The following SYNE1 variants were observed in gnomAD, a reference collection of about 807,000 sequenced individuals.
SYNE1 encodes the protein nesprin-1.
Under a neutral mutation model 1,111.0 loss-of-function variants are expected in SYNE1, and 616 were observed. That is an observed-to-expected ratio of 0.55 (90% CI 0.52 to 0.59). SYNE1 has a LOEUF of 0.59. Ranked by LOEUF, SYNE1 falls within the 20% of genes least tolerant of loss-of-function variation. SYNE1 has a pLI of 0.00. For missense variants in SYNE1, 10,006 were observed against 10,417.0 expected, an observed-to-expected ratio of 0.96 and a Z score of 1.72; for synonymous variants, 3,855 against 3,825.8, an observed-to-expected ratio of 1.01 and a Z score of -0.28.
At chr6:152,603,295 G>C (rs1021103152) in intron 3 of SYNE1, among the ~76,000 whole-genome samples, 1 of 151,902 alleles carries the variant, frequency 6.6e-6, no homozygotes, top group African/African-American at 2.4e-5. Context: ...AGACTTTTTT[G>C]GCCTCCCTCC....
In SYNE1 at chr6:152,232,106, T is replaced by A. The variant is rs533407131; in HGVS notation, c.20862+10A>T. The A allele has an allele frequency of 1.4e-5, 22 of 1,560,906 alleles. No individual in the cohort carries two copies. Among genetic ancestry groups the A allele is most frequent in the East Asian group, 4.5e-5 (2 of 44,470 alleles). ...AATATGAAAAGTTAAAAACAAAAAA[T>A]TTTAATTACCTTATATTTCTGAAGG... On this transcript the variant is annotated intron_variant, in intron 113 of 145. Transcript: ENST00000367255.
At chr6:152,541,120 T>C (rs151087611) in intron 3 of SYNE1, among the ~76,000 whole-genome samples, 312 of 152,152 alleles carry the variant, frequency 2.1e-3, no homozygotes, top group African/African-American at 7.3e-3. Flanking sequence ...GGAAAAGAGG[T>C]AGGGTTTGGA....
chr6:152,564,859 A>C (rs2099407212), intron 3 of SYNE1, among the ~76,000 whole-genome samples: 1 of 152,166 alleles, frequency 6.6e-6, no homozygotes. Context: ...TTATAGCTTC[A>C]TTTAGCCATA....
chr6:152,350,228 T>A lies in SYNE1; in HGVS notation c.11841A>T (p.Ala3947=). The stretch of plus-strand genomic sequence containing the variant: ...GGCTGCTTGTCTCCAGGAGGTCAGG[T>A]GCCACCAGTCTGCCAGACATCTGCA... ...WLLQMSGRLV[A]PDLLETSSLE... Residue 3947 remains alanine (A), a synonymous_variant, in exon 72 of 146, where the codon GCA becomes GCT. Transcript: ENST00000367255. 1 of 1,614,086 alleles carries A rather than the reference T, an allele frequency of 6.2e-7. No homozygotes were observed. The highest frequency in any genetic ancestry group is 8.5e-7 in the Non-Finnish European group (1 of 1,180,030).
chr6:152,240,920 T>G (rs1485875372), intron 107 of SYNE1, among the ~76,000 whole-genome samples: 1 of 152,208 alleles, frequency 6.6e-6, no homozygotes, highest in Non-Finnish European at 1.5e-5. Flanking sequence ...ATCATTATTT[T>G]TAACCAACAA....
At position 152,122,586 on chromosome 6, in the gene SYNE1, A is replaced by C; in HGVS notation, c.26244T>G (p.Ala8748=). The C allele has an allele frequency of 6.2e-7, 1 of 1,614,210 alleles. No individual in the cohort carries two copies. The highest frequency in any genetic ancestry group is 8.5e-7 in the Non-Finnish European group (1 of 1,180,040). The part of the protein sequence containing the change: ...RGFLFRVLRA[A]LPLQLLLLLL... The stretch of plus-strand genomic sequence containing the variant: ...GGAGCAGGAGAAGCTGAAGGGGAAG[A>C]GCTGCTCGGAGGACTCTGAACAGGA... Residue 8748 remains alanine (A), a synonymous_variant, in exon 146 of 146, where the codon GCT becomes GCG. Transcript: ENST00000367255.
At chr6:152,517,674 A>G (rs1320748448) in intron 6 of SYNE1, among the ~76,000 whole-genome samples, 2 of 152,234 alleles carry the variant, frequency 1.3e-5, no homozygotes, top group Non-Finnish European at 2.9e-5. Context: ...AGAAATCACT[A>G]TGAACTGATG....
chr6:152,154,984 C>T lies in SYNE1; in HGVS notation c.24037G>A (p.Asp8013Asn), dbSNP rs1381849152. 1 of 1,614,214 alleles carries T rather than the reference C, an allele frequency of 6.2e-7. No homozygotes were observed. Among genetic ancestry groups the T allele is most frequent in the Non-Finnish European group, 8.5e-7 (1 of 1,180,026 alleles). The change falls in exon 133 of 146, where the codon GAT (aspartate) becomes AAT (asparagine). Residue 8013 changes from aspartate to asparagine, a missense_variant. Asp to Asn is a conservative substitution (Grantham distance 23). Coordinates refer to ENST00000367255, the MANE Select transcript of SYNE1 (RefSeq NM_182961.4). ...KFLDDYSRFEDWLKSSERTAA... is the reference protein window; with the variant it reads ...KFLDDYSRFENWLKSSERTAA... ...GTCCTTTCTGAAGACTTCAGCCAATCTTCAAAACGTGAATAGTCATCCAGA... is the reference window on the plus strand; with the variant it reads ...GTCCTTTCTGAAGACTTCAGCCAATTTTCAAAACGTGAATAGTCATCCAGA...
intron 97 of SYNE1, among the ~76,000 whole-genome samples, chr6:152,280,785 A>G (rs1432173673): frequency 2.0e-5 from 3 of 152,250 alleles, no homozygotes; most frequent in African/African-American, 7.2e-5. Flanking sequence ...AGATATAAAG[A>G]GCAGAAAAAC....
At chr6:152,220,740 G>T in intron 119 of SYNE1, 102 bp downstream of exon 119, 1 of 1,086,422 alleles carries the variant, frequency 9.2e-7, no homozygotes, top group Non-Finnish European at 1.4e-6. Flanking sequence ...TTGGGTAACT[G>T]TCTCACATAG....
chr6:152,483,345 AAG>A, intron 13 of SYNE1, 96 bp from the exon 14 acceptor site: 1 of 1,057,928 alleles, frequency 9.5e-7, no homozygotes, highest in Non-Finnish European at 1.4e-6. Context: ...ATAAAGCTTT[AAG>A]TTAATGATTT....
intron 3 of SYNE1, among the ~76,000 whole-genome samples, chr6:152,625,862 G>A (rs1240226646): frequency 1.3e-5 from 2 of 152,092 alleles, no homozygotes; most frequent in Admixed American, 6.5e-5. Flanking sequence ...CCATATCACA[G>A]CATTTATAAT....
intron 3 of SYNE1, among the ~76,000 whole-genome samples, chr6:152,601,776 G>A (rs1277372142): frequency 6.6e-6 from 1 of 152,184 alleles, no homozygotes; most frequent in South Asian, 2.1e-4. Flanking sequence ...TTCCTAAGAT[G>A]AGATCCCAGC....
At chr6:152,397,510 C>G (rs1013364902) in intron 49 of SYNE1, among the ~76,000 whole-genome samples, 3 of 152,202 alleles carry the variant, frequency 2.0e-5, no homozygotes, top group Non-Finnish European at 2.9e-5. Context: ...GTTACTCAGG[C>G]ATTTCCTTGT....
Position 152,208,055 on chromosome 6 carries a change from C to G in SYNE1, c.22741G>C (p.Glu7581Gln). The change falls in exon 125 of 146, where the codon GAA (glutamate) becomes CAA (glutamine). Residue 7581 changes from glutamate (E) to glutamine (Q), a missense_variant. Coordinates refer to ENST00000367255, the MANE Select transcript of SYNE1 (RefSeq NM_182961.4). Reference protein sequence around the residue: ...MAEKLRKWLVEVSYLPMSGLG... With the variant: ...MAEKLRKWLVQVSYLPMSGLG... ...CCACTCATGGGGAGGTAGGACACTT[C>G]AACCAACCATTTACGAAGCTTTTCT... 6.2e-7 allele frequency: 1 copy of G among 1,614,122 alleles called. No homozygotes were observed. The highest frequency in any genetic ancestry group is 8.5e-7 in the Non-Finnish European group (1 of 1,180,014).
In SYNE1 at chr6:152,483,220, T is replaced by C. The variant is rs1165886857; in HGVS notation, c.1215A>G (p.Lys405=). The C allele has an allele frequency of 5.6e-6, 9 of 1,614,044 alleles. No homozygotes were observed. The highest frequency in any genetic ancestry group is 7.6e-6 in the Non-Finnish European group (9 of 1,180,028). The stretch of plus-strand genomic sequence containing the variant: ...TGGTGCCCAGAGGTGCAGGAAGAGA[T>C]TTATCAAGCTGTATATGCCAGTCAA... ...RLFDWHIQLD[K]SLPAPLGTIG... Residue 405 remains lysine, a synonymous_variant, in exon 14 of 146, where the codon AAA becomes AAG. Transcript: ENST00000367255.
In SYNE1 at chr6:152,330,853, T is replaced by G. The variant is rs762392590; in HGVS notation, c.13832A>C (p.Gln4611Pro). 64 of 1,614,080 alleles carry G rather than the reference T, an allele frequency of 4.0e-5. No individual in the cohort carries two copies. The highest frequency in any genetic ancestry group is 5.4e-5 in the Non-Finnish European group (64 of 1,180,044). The change falls in exon 78 of 146, where the codon CAA (glutamine) becomes CCA (proline). Residue 4611 changes from glutamine to proline, a missense_variant. Physicochemically the swap from Gln to Pro is moderately conservative, Grantham distance 76. Coordinates refer to ENST00000367255, the MANE Select transcript of SYNE1 (RefSeq NM_182961.4). ...QLAKYQNILE[Q>P]SPEYENLLLT... is the part of the protein sequence containing the mutation. ...TAGAAGATTTTCATATTCTGGAGAT[T>G]GTTCAAGAATGTTTTGGTATTTAGC...
chr6:152,325,886 T>C (rs559071444), intron 80 of SYNE1, 72 bp downstream of exon 80: 24 of 1,567,122 alleles, frequency 1.5e-5, no homozygotes, highest in Middle Eastern at 3.7e-4. Flanking sequence ...AATGAAGATT[T>C]ATTGATCATG....
chr6:152,389,937 T>A (rs769588987), intron 53 of SYNE1, among the ~76,000 whole-genome samples: 1 of 152,226 alleles, frequency 6.6e-6, no homozygotes, highest in Admixed American at 6.5e-5. Flanking sequence ...TTTCCATATG[T>A]TCCTTAAGCT....
Sources: gnomAD v4.1 joint callset for allele counts (sites outside exome capture counted in the v4.1 genomes callset) on GRCh38, gnomAD v4.1.1 for gene constraint, MANE v1.5 for transcripts, NCBI Gene and HGNC (gene_info 2026-07-23, HGNC 2026-07-21) for gene names.